ABCC1: variants seen among roughly 807,000 people sequenced by gnomAD.
The protein encoded by ABCC1 is ATP binding cassette subfamily C member 1 (ABCC1 blood group), also known as multidrug resistance-associated protein 1.
In ABCC1, 83 loss-of-function variants were observed where a neutral mutation model predicts 172.9. The observed-to-expected ratio is 0.48, with a 90% confidence interval of 0.40 to 0.58. The LOEUF (loss-of-function observed/expected upper bound fraction) is 0.58, where lower values mean the gene tolerates loss of function less well. Ranked by LOEUF, ABCC1 falls within the 20% of genes least tolerant of loss-of-function variation. ABCC1 has a pLI of 0.00. For synonymous variants in ABCC1, 937 were observed against 825.2 expected (o/e 1.14, Z -2.32); for missense variants, 1,817 against 2,002.7 (o/e 0.91, Z 1.77).
chr16:16,019,884 C>T (rs1200761044), intron 5 of ABCC1, among the ~76,000 whole-genome samples: 3 of 152,150 alleles, frequency 2.0e-5, no homozygotes, highest in African/African-American at 7.2e-5. Context: ...TCCCCCAGCT[C>T]GGCTCCTCCT....
chr16:15,961,011 T>G (rs1286277298), intron 1 of ABCC1, among the ~76,000 whole-genome samples: 1 of 54,148 alleles, frequency 1.8e-5, no homozygotes, highest in African/African-American at 8.6e-5. Context: ...TTTTTTTTTT[T>G]TTTTTTTTTT....
In ABCC1 at chr16:16,071,677, C is replaced by T. The variant is rs781694424; in HGVS notation, c.1860C>T (p.Leu620=). The T allele has an allele frequency of 2.4e-5, 38 of 1,613,952 alleles. No individual in the cohort carries two copies. The East Asian group carries it at 6.7e-4, about 28-fold the overall frequency. The change falls in exon 14 of 31, where the codon CTC becomes CTT. Residue 620 remains leucine (L), a synonymous_variant. Coordinates refer to ENST00000399410, the MANE Select transcript of ABCC1 (RefSeq NM_004996.4). ...SVSLKRLRIF[L]SHEELEPDSI... is the part of the protein sequence containing the mutation. ...CCCTCAAACGCCTGAGGATCTTTCT[C>T]TCCCATGAGGAGCTGGAACCTGACA...
chr16:16,049,745 G>T (rs1302621714), intron 10 of ABCC1, among the ~76,000 whole-genome samples: 2 of 152,052 alleles, frequency 1.3e-5, no homozygotes, highest in Non-Finnish European at 2.9e-5. Context: ...AGTGTGGTGT[G>T]CCATCTTGGC....
intron 13 of ABCC1, among the ~76,000 whole-genome samples, chr16:16,071,046 C>T (rs1298125989): frequency 6.6e-6 from 1 of 152,026 alleles, no homozygotes; most frequent in African/African-American, 2.4e-5. Context: ...AGTCCCTTTT[C>T]CACCAGGCCT....
At position 16,141,274 on chromosome 16, in the gene ABCC1, T is replaced by C; in HGVS notation, c.4589T>C (p.Leu1530Ser). 4 of 1,613,916 alleles carry C rather than the reference T, an allele frequency of 2.5e-6. No individual in the cohort carries two copies. The highest frequency in any genetic ancestry group is 3.4e-6 in the Non-Finnish European group (4 of 1,180,000). The change falls in exon 31 of 31, where the codon TTG (leucine) becomes TCG (serine). Residue 1530 changes from leucine to serine, a missense_variant. Leu to Ser is a moderately radical substitution (Grantham distance 145). Transcript: ENST00000399410. ...LFYSMAKDAG[L>S]V ...TACAGCATGGCCAAAGACGCCGGCT[T>C]GGTGTGAGCCCCAGAGCTGGCATAT...
rs765257795 is a variant in ABCC1 at position 16,068,112 on chromosome 16, C to G, written c.1678-44C>G. On this transcript the variant is annotated intron_variant, in intron 12 of 30. Coordinates refer to ENST00000399410, the MANE Select transcript of ABCC1 (RefSeq NM_004996.4). ...TGTCACTGCTCCTAGGATGATGACT[C>G]TCACTCGGGGCACAGCAGTCAGCAC... The G allele has an allele frequency of 3.7e-6, 6 of 1,611,490 alleles. No individual in the cohort carries two copies. The Admixed American group carries it at 6.7e-5, about 18-fold the overall frequency.
chr16:16,049,091 C>T (rs1435201511), intron 10 of ABCC1, among the ~76,000 whole-genome samples: 1 of 152,080 alleles, frequency 6.6e-6, no homozygotes, highest in Non-Finnish European at 1.5e-5. Flanking sequence ...GGAGATCAAG[C>T]AATGTTGTCA....
chr16:16,017,382 C>T (rs1427337072), intron 5 of ABCC1, among the ~76,000 whole-genome samples: 1 of 152,028 alleles, frequency 6.6e-6, no homozygotes, highest in African/African-American at 2.4e-5. Flanking sequence ...AGGCACACAC[C>T]ACCATGCCTG....
chr16:16,025,632 GA>G (rs2048343168), intron 5 of ABCC1, among the ~76,000 whole-genome samples: 2 of 152,184 alleles, frequency 1.3e-5, no homozygotes, highest in Admixed American at 1.3e-4. Flanking sequence ...TCAACATGCT[GA>G]AAGACCCAGA....
intron 23 of ABCC1, 131 bp downstream of exon 23, chr16:16,115,207 A>G: frequency 9.8e-7 from 1 of 1,024,838 alleles, no homozygotes; most frequent in Non-Finnish European, 1.4e-6. Context: ...TGTTTTTGTC[A>G]GTTTCGAATA....
At chr16:16,016,080 C>T (rs2047982939) in intron 4 of ABCC1, among the ~76,000 whole-genome samples, 1 of 151,768 alleles carries the variant, frequency 6.6e-6, no homozygotes, top group Non-Finnish European at 1.5e-5. Flanking sequence ...AGCTGGGAGC[C>T]CCTGGGGAGC....
rs149067602 is a variant in ABCC1 at position 16,102,553 on chromosome 16, C to A, written c.2645-74C>A. ...TCTGTGGTCTCCTCACTGAAGTGGCCGGTTTTTGTTGCCCTTGGTTTTAGC... is the reference window on the plus strand; with the variant it reads ...TCTGTGGTCTCCTCACTGAAGTGGCAGGTTTTTGTTGCCCTTGGTTTTAGC... On this transcript the variant is annotated intron_variant, in intron 19 of 30. Coordinates refer to ENST00000399410, the MANE Select transcript of ABCC1 (RefSeq NM_004996.4). 416 of 1,407,808 alleles carry A rather than the reference C, an allele frequency of 3.0e-4. 1 individual carries two copies. In the African/African-American group the frequency reaches 5.4e-3, roughly 18 times the overall value. 87.2% of individuals were successfully genotyped at this position (1,407,808 alleles called of 1,614,324 possible). A position where few individuals can be genotyped will look rare whatever the true frequency, so the allele number is the denominator to read the frequency against.
At chr16:16,027,475 C>T (rs1165038490) in intron 5 of ABCC1, among the ~76,000 whole-genome samples, 1 of 151,800 alleles carries the variant, frequency 6.6e-6, no homozygotes, top group Non-Finnish European at 1.5e-5. Flanking sequence ...GGGGTTTTTT[C>T]CCCCCCAAAC....
At chr16:16,043,726 C>T (rs1463250060) in intron 7 of ABCC1, among the ~76,000 whole-genome samples, 1 of 152,158 alleles carries the variant, frequency 6.6e-6, no homozygotes, top group Non-Finnish European at 1.5e-5. Context: ...CTCAGCCTCC[C>T]AAGTAGCTGG....
chr16:16,026,465 CT>C (rs1157942197), intron 5 of ABCC1, among the ~76,000 whole-genome samples: 152 of 95,492 alleles, frequency 1.6e-3, no homozygotes, highest in Middle Eastern at 0.014. Flanking sequence ...AGGCTATTTC[CT>C]TTTTTTTTTT....
intron 16 of ABCC1, among the ~76,000 whole-genome samples, chr16:16,079,942 C>T (rs975859961): frequency 3.3e-5 from 5 of 151,792 alleles, no homozygotes; most frequent in South Asian, 2.1e-4. Context: ...TCCCGAGTAG[C>T]TAGGATTACA....
chr16:16,074,763 G>A (rs967496120), intron 14 of ABCC1, among the ~76,000 whole-genome samples: 9 of 152,168 alleles, frequency 5.9e-5, no homozygotes, highest in Admixed American at 5.2e-4. Flanking sequence ...TAGAAGAGCT[G>A]AGGGAGAAAG....
chr16:16,102,765 TG>T, intron 20 of ABCC1, 48 bp downstream of exon 20: 1 of 1,532,728 alleles, frequency 6.5e-7, no homozygotes, highest in Non-Finnish European at 8.8e-7. Flanking sequence ...GCCCTGCCAG[TG>T]GGAGGACAAG....
chr16:16,076,088 C>T, intron 14 of ABCC1: 1 of 519,844 alleles, frequency 1.9e-6, no homozygotes, highest in Non-Finnish European at 3.3e-6. Context: ...GCAACCCCAT[C>T]TTACAAGGAC....
Sources: allele counts gnomAD v4.1 joint callset (sites outside exome capture counted in the v4.1 genomes callset), GRCh38; gene constraint gnomAD v4.1.1; transcripts MANE v1.5; gene names NCBI Gene and HGNC (gene_info 2026-07-23, HGNC 2026-07-21).